CFAP221: variants seen among roughly 807,000 people sequenced by gnomAD.
The protein encoded by CFAP221 is cilia and flagella associated protein 221, also known as cilia- and flagella-associated protein 221.
CFAP221 carries 97 observed loss-of-function variants against 113.1 expected under a neutral mutation model. The ratio of observed to expected loss-of-function variants is 0.86; its 90% CI spans 0.73 to 1.02. CFAP221 has a LOEUF of 1.02. CFAP221 is among the 50% of genes least tolerant of loss of function. The probability of loss-of-function intolerance (pLI) is 0.00; values close to 1 mark genes in which losing one functional copy is unlikely to be tolerated. For synonymous variants in CFAP221, 331 were observed against 354.4 expected (o/e 0.93, Z 0.74); for missense variants, 1,025 against 1,013.4 (o/e 1.01, Z -0.16).
At chr2:119,600,797 C>G (rs541939306) in intron 7 of CFAP221, among the ~76,000 whole-genome samples, 18 of 152,122 alleles carry the variant, frequency 1.2e-4, no homozygotes, top group Non-Finnish European at 2.1e-4. Context: ...CCTCTACCAC[C>G]CTTGAGACAG....
At chr2:119,588,053 T>C (rs1429134434) in intron 7 of CFAP221, among the ~76,000 whole-genome samples, 3 of 152,224 alleles carry the variant, frequency 2.0e-5, no homozygotes, top group African/African-American at 7.2e-5. Context: ...GAGAAGAGGT[T>C]TATTGTTTTC....
intron 14 of CFAP221, among the ~76,000 whole-genome samples, chr2:119,615,934 G>A (rs1257281958): frequency 6.6e-6 from 1 of 152,118 alleles, no homozygotes; most frequent in Non-Finnish European, 1.5e-5. Context: ...GAAACTTGGT[G>A]CCATTTTCAG....
chr2:119,566,240 G>A (rs985888658), intron 6 of CFAP221, among the ~76,000 whole-genome samples: 1 of 152,142 alleles, frequency 6.6e-6, no homozygotes, highest in Non-Finnish European at 1.5e-5. Context: ...CCCAGGAATC[G>A]TCATCTGTAG....
intron 11 of CFAP221, 53 bp from the exon 12 acceptor site, chr2:119,608,449 T>C: frequency 7.4e-7 from 1 of 1,347,786 alleles, no homozygotes. Context: ...ATCCTAAAGT[T>C]GACTCTGGTA....
intron 6 of CFAP221, among the ~76,000 whole-genome samples, chr2:119,562,919 A>G (rs1681359987): frequency 6.6e-6 from 1 of 152,156 alleles, no homozygotes; most frequent in Admixed American, 6.5e-5. Context: ...TAGGAGGCCG[A>G]GGCAGAGGAT....
rs1179002210 is a variant in CFAP221, at chr2:119,649,353, C to T, written c.2318+2303C>T. ...TTATCATAAGTCAAAAATGCACTTT[C>T]AACTCACGATATTTACAACTCATGA... is the stretch of plus-strand genomic sequence containing the variant. On this transcript the variant is annotated intron_variant, in intron 22 of 23. Transcript: ENST00000413369. Among the ~76,000 whole-genome samples, 4 of 152,172 alleles carry T rather than the reference C, an allele frequency of 2.6e-5. No homozygotes were observed. The East Asian group carries it at 7.7e-4, about 29-fold the overall frequency.
chr2:119,630,926 T>C, intron 19 of CFAP221, 25 bp downstream of exon 19: 1 of 1,607,244 alleles, frequency 6.2e-7, no homozygotes, highest in Admixed American at 1.7e-5. Flanking sequence ...GCAGAAGCCT[T>C]GTTTTCTGTG....
chr2:119,546,151 C>G lies in CFAP221; in HGVS notation c.20C>G (p.Pro7Arg). The change falls in exon 2 of 24, where the codon CCC becomes CGC. Residue 7 changes from proline (P) to arginine (R), a missense_variant. Pro to Arg is a moderately radical substitution (Grantham distance 103). Coordinates refer to ENST00000413369, the MANE Select transcript of CFAP221 (RefSeq NM_001271049.2). ...GATAAAATGGCAGTGGTGAAAACCC[C>G]CAGCAGAGGACTAAAGAATGCTAAA... is the stretch of plus-strand genomic sequence containing the variant. MAVVKT[P>R]SRGLKNAKEP... 6.5e-7 allele frequency: 1 copy of G among 1,533,982 alleles called. No homozygotes were observed. The highest frequency in any genetic ancestry group is 8.7e-7 in the Non-Finnish European group (1 of 1,146,334).
chr2:119,548,090 T>C (rs1040664850), intron 2 of CFAP221, among the ~76,000 whole-genome samples: 1 of 152,004 alleles, frequency 6.6e-6, no homozygotes, highest in African/African-American at 2.4e-5. Context: ...CAGCCTCCCA[T>C]GTAGCTGGGA....
chr2:119,632,483 C>T (rs1172752558), intron 19 of CFAP221, among the ~76,000 whole-genome samples: 1 of 152,066 alleles, frequency 6.6e-6, no homozygotes, highest in Non-Finnish European at 1.5e-5. Flanking sequence ...AAGGGAACTT[C>T]CTCAACCAAA....
At chr2:119,640,229 A>G (rs996039494) in intron 21 of CFAP221, among the ~76,000 whole-genome samples, 8 of 145,260 alleles carry the variant, frequency 5.5e-5, no homozygotes, top group Non-Finnish European at 7.5e-5. Flanking sequence ...AAAAAAAAGG[A>G]AAAAAAATCA....
intron 23 of CFAP221, 87 bp downstream of exon 23, chr2:119,652,156 G>C (rs1330793274): frequency 1.0e-6 from 1 of 982,294 alleles, no homozygotes; most frequent in African/African-American, 1.7e-5. Context: ...TGTTGTCTGA[G>C]TCTAAATAGC....
chr2:119,572,849 C>A, intron 6 of CFAP221: 1 of 384,530 alleles, frequency 2.6e-6, no homozygotes. Flanking sequence ...CTGTAGCCTG[C>A]AGGGCCACAT....
intron 19 of CFAP221, among the ~76,000 whole-genome samples, chr2:119,632,536 G>C (rs1333200422): frequency 6.6e-6 from 1 of 152,116 alleles, no homozygotes; most frequent in East Asian, 1.9e-4. Context: ...ATCAAACGGA[G>C]TAGTAAATCA....
At chr2:119,573,965 C>T (rs527698987) in intron 6 of CFAP221, among the ~76,000 whole-genome samples, 1 of 152,260 alleles carries the variant, frequency 6.6e-6, no homozygotes, top group African/African-American at 2.4e-5. Flanking sequence ...ATATAGTCAA[C>T]AAAGGGAACT....
Position 119,627,682 on chromosome 2 carries a change from C to T in CFAP221, c.1546C>T (p.Arg516Trp), listed in dbSNP as rs140592618. The T allele has an allele frequency of 3.1e-5, 50 of 1,613,460 alleles. No homozygotes were observed. In the African/African-American group the frequency reaches 4.9e-4, roughly 16 times the overall value. Reference protein sequence around the residue: ...EANFFKFFLRRISQDDYTSRF... With the variant: ...EANFFKFFLRWISQDDYTSRF... ...GAATTTCTTCAAATTCTTCCTGAGG[C>T]GGATCAGTCAGGATGATTATACCAG... The change falls in exon 16 of 24, where the codon CGG (arginine) becomes TGG (tryptophan). Residue 516 changes from arginine to tryptophan, a missense_variant. Coordinates refer to ENST00000413369, the MANE Select transcript of CFAP221 (RefSeq NM_001271049.2).
At chr2:119,640,434 T>G (rs1402407423) in intron 21 of CFAP221, among the ~76,000 whole-genome samples, 1 of 152,164 alleles carries the variant, frequency 6.6e-6, no homozygotes, top group East Asian at 1.9e-4. Context: ...TGACTACATT[T>G]TTGCTAATTT....
At chr2:119,546,040 C>A in intron 1 of CFAP221, 45 bp from the exon 2 acceptor site, 1 of 1,314,950 alleles carries the variant, frequency 7.6e-7, no homozygotes, top group South Asian at 1.6e-5. Flanking sequence ...AAAAAATGTG[C>A]GTGGTTTCTC....
At chr2:119,609,711 G>A (rs1685020551) in intron 12 of CFAP221, among the ~76,000 whole-genome samples, 1 of 152,182 alleles carries the variant, frequency 6.6e-6, no homozygotes, top group African/African-American at 2.4e-5. Flanking sequence ...GAATTTCGAA[G>A]GGACACAATT....
Sources: allele counts gnomAD v4.1 joint callset (sites outside exome capture counted in the v4.1 genomes callset), GRCh38; gene constraint gnomAD v4.1.1; transcripts MANE v1.5; gene names NCBI Gene and HGNC (gene_info 2026-07-23, HGNC 2026-07-21).